The following STK31 variants were observed in gnomAD, a reference collection of about 807,000 sequenced individuals.
The protein encoded by STK31 is serine/threonine-protein kinase 31.
A neutral mutation model predicts 129.7 loss-of-function variants in STK31; 89 were observed. That is an observed-to-expected ratio of 0.69 (90% CI 0.58 to 0.82). The LOEUF is 0.82. Ranked by LOEUF, STK31 falls within the 40% of genes least tolerant of loss-of-function variation. The pLI is 0.00. For missense variants in STK31, 1,187 were observed against 1,176.4 expected (o/e 1.01, Z -0.13); for synonymous variants, 448 against 395.3 (o/e 1.13, Z -1.58).
At chr7:23,812,388 C>T (rs1793190753) in intron 22 of STK31, among the ~76,000 whole-genome samples, 1 of 142,992 alleles carries the variant, frequency 7.0e-6, no homozygotes, top group African/African-American at 2.5e-5. Flanking sequence ...TTTAGTTTTC[C>T]CAAACATCTT....
chr7:23,760,485 C>T (rs1046938399), intron 10 of STK31, among the ~76,000 whole-genome samples: 1 of 152,150 alleles, frequency 6.6e-6, no homozygotes, highest in African/African-American at 2.4e-5. Flanking sequence ...AAGAAGATGA[C>T]AGCAGAATGA....
In STK31 at chr7:23,832,475, C is replaced by A. The variant is rs1043636378; in HGVS notation, c.*109C>A. On this transcript the variant is annotated 3_prime_UTR_variant, in exon 24 of 24. Transcript: ENST00000355870. ...CTAGTTGAGTTGTATCTTTAGTATT[C>A]AGGTTGTGAAAAATAAAGATGTTTG... 2 of 789,672 alleles carry A rather than the reference C, an allele frequency of 2.5e-6. No individual in the cohort carries two copies. Among genetic ancestry groups the A allele is most frequent in the South Asian group, 3.5e-5 (2 of 56,358 alleles). 48.9% of individuals were successfully genotyped at this position (789,672 alleles called of 1,614,324 possible).
intron 22 of STK31, among the ~76,000 whole-genome samples, chr7:23,794,570 G>A (rs762958067): frequency 6.6e-6 from 1 of 152,140 alleles, no homozygotes; most frequent in African/African-American, 2.4e-5. Context: ...ATGGGCAGAG[G>A]TTGGAGGGCT....
intron 22 of STK31, among the ~76,000 whole-genome samples, chr7:23,794,327 T>G (rs570447796): frequency 6.6e-6 from 1 of 152,306 alleles, no homozygotes; most frequent in African/African-American, 2.4e-5. Context: ...GCTGCCCCCA[T>G]GTGAAGAAGA....
intron 3 of STK31, among the ~76,000 whole-genome samples, chr7:23,713,772 C>T (rs956106768): frequency 6.6e-6 from 1 of 151,846 alleles, no homozygotes; most frequent in African/African-American, 2.4e-5. Flanking sequence ...ATAAAAATGC[C>T]CTTTTGGAAT....
At chr7:23,797,306 G>A (rs185298851) in intron 22 of STK31, among the ~76,000 whole-genome samples, 57 of 152,126 alleles carry the variant, frequency 3.7e-4, no homozygotes, top group Middle Eastern at 3.4e-3. Context: ...AATCAACAGC[G>A]TATACATTCT....
chr7:23,732,559 G>C (rs1787496057), intron 6 of STK31, among the ~76,000 whole-genome samples: 1 of 152,148 alleles, frequency 6.6e-6, no homozygotes, highest in Non-Finnish European at 1.5e-5. Context: ...GATTCAGGGA[G>C]AATCTGTTTG....
intron 22 of STK31, among the ~76,000 whole-genome samples, chr7:23,813,078 CTTTT>C (rs70956924): frequency 1.1e-5 from 1 of 94,116 alleles, no homozygotes; most frequent in Non-Finnish European, 2.0e-5. Flanking sequence ...GCTCTCTGTT[CTTTT>C]TTTTTTTTTT....
chr7:23,770,779 A>T (rs1273926129), intron 13 of STK31, among the ~76,000 whole-genome samples: 4 of 151,346 alleles, frequency 2.6e-5, no homozygotes, highest in Non-Finnish European at 5.9e-5. Context: ...CTAATTAAAA[A>T]TTTTTTTTTA....
At chr7:23,810,748 T>A (rs1399332015) in intron 22 of STK31, among the ~76,000 whole-genome samples, 1 of 132,118 alleles carries the variant, frequency 7.6e-6, no homozygotes, top group African/African-American at 3.0e-5. Context: ...ATAAAATAGA[T>A]ATATATAATA....
At chr7:23,818,401 T>C (rs960614458) in intron 23 of STK31, among the ~76,000 whole-genome samples, 2 of 152,176 alleles carry the variant, frequency 1.3e-5, no homozygotes, top group Non-Finnish European at 2.9e-5. Flanking sequence ...TATTGTGTCA[T>C]ATGAGGGGGA....
chr7:23,794,536 T>A (rs1040156137), intron 22 of STK31, among the ~76,000 whole-genome samples: 2 of 152,154 alleles, frequency 1.3e-5, no homozygotes, highest in Non-Finnish European at 2.9e-5. Flanking sequence ...CCCGAAAATG[T>A]GGAAGCAGCT....
At chr7:23,831,954 T>C (rs1437887927) in intron 23 of STK31, among the ~76,000 whole-genome samples, 182 bp from the exon 24 acceptor site, 3 of 152,144 alleles carry the variant, frequency 2.0e-5, no homozygotes, top group African/African-American at 7.2e-5. Context: ...CTATTTGCAG[T>C]GTGATTATCG....
chr7:23,826,928 C>G (rs559476894), intron 23 of STK31, among the ~76,000 whole-genome samples: 1 of 152,172 alleles, frequency 6.6e-6, no homozygotes, highest in Non-Finnish European at 1.5e-5. Context: ...GGCCCCCACT[C>G]TCTTCTGGCT....
At chr7:23,730,882 T>A (rs868528020) in intron 6 of STK31, among the ~76,000 whole-genome samples, 1,751 of 57,004 alleles carry the variant, frequency 0.031, 28 homozygotes, top group African/African-American at 0.056. Context: ...ATATATATTT[T>A]TTTTTTTTTT....
chr7:23,779,653 ACTCAAGCCTCAGTAATG>A (rs1790785823), intron 15 of STK31, among the ~76,000 whole-genome samples: 1 of 61,912 alleles, frequency 1.6e-5, no homozygotes, highest in Non-Finnish European at 3.8e-5. Flanking sequence ...AAAACTGCCT[ACTCAAGCCTCAGTAATG>A]ACAGAGGCCC....
rs985388261 is a variant in STK31, at chr7:23,757,357, G to T, written c.1293+2883G>T. Among the ~76,000 whole-genome samples the T allele has an allele frequency of 1.6e-3, 245 of 152,182 alleles. 1 individual carries two copies. Among genetic ancestry groups the T allele is most frequent in the African/African-American group, 5.6e-3 (234 of 41,526 alleles). On this transcript the variant is annotated intron_variant, in intron 10 of 23. Transcript: ENST00000355870. ...CTCAGCATGTGGAGGACCCGCGCCC[G>T]CCGGCAAAGGTCTCTGAGTTCCCTC... is the stretch of plus-strand genomic sequence containing the variant.
chr7:23,781,287 G>A lies in STK31; in HGVS notation c.1966-132G>A, dbSNP rs1321806709. 6 of 586,670 alleles carry A rather than the reference G, an allele frequency of 1.0e-5. No individual in the cohort carries two copies. The East Asian group carries it at 1.3e-4, about 13-fold the overall frequency. 36.3% of individuals were successfully genotyped at this position (586,670 alleles called of 1,614,324 possible). A position where few individuals can be genotyped will look rare whatever the true frequency, so the allele number is the denominator to read the frequency against. The stretch of plus-strand genomic sequence containing the variant: ...TAAGTTAATTCAGCAAGTATTAGAA[G>A]GGTCTTTTATGTGCTAGGTACTGAA... On this transcript the variant is annotated intron_variant, in intron 15 of 23. Transcript: ENST00000355870.
At position 23,735,542 on chromosome 7, in the gene STK31, C is replaced by T; in HGVS notation, c.488C>T (p.Thr163Ile). ...TTATGTTTTCTTCTTTCTTAGGGCA[C>T]AACCTTTTTGGGGAGCTTGATTTTT... ...DQEVTQFDQG[T>I]TFLGSLIFEK... Residue 163 changes from threonine (T) to isoleucine (I), a missense_variant, in exon 7 of 24, where the codon ACA (threonine) becomes ATA (isoleucine). This residue lies in a region of STK31 where 103 missense variants were observed against 110.4 expected (regional missense o/e 0.93). Coordinates refer to ENST00000355870, the MANE Select transcript of STK31 (RefSeq NM_031414.5). 1.3e-6 allele frequency: 2 copies of T among 1,591,240 alleles called. No individual in the cohort carries two copies. The highest frequency in any genetic ancestry group is 1.7e-6 in the Non-Finnish European group (2 of 1,167,946).
Sources: allele counts gnomAD v4.1 joint callset (sites outside exome capture counted in the v4.1 genomes callset), GRCh38; gene constraint gnomAD v4.1.1; regional missense constraint gnomAD v4.1.1; transcripts MANE v1.5; gene names NCBI Gene and HGNC (gene_info 2026-07-23, HGNC 2026-07-21).